Variants in MALRD1 observed in about 807,000 individuals in gnomAD.
MALRD1 encodes the protein MAM and LDL-receptor class A domain-containing protein 1.
MALRD1 carries 247 observed loss-of-function variants against 242.1 expected under a neutral mutation model. The ratio of observed to expected loss-of-function variants is 1.02; its 90% CI spans 0.92 to 1.13. MALRD1 has a LOEUF of 1.13. Ranked by LOEUF, MALRD1 falls within the 50% of genes most tolerant of loss-of-function variation. The pLI is 0.00. For missense variants in MALRD1, 2,989 were observed against 2,533.1 expected, an observed-to-expected ratio of 1.18 and a Z score of -3.86; for synonymous variants, 995 against 866.6, an observed-to-expected ratio of 1.15 and a Z score of -2.60.
chr10:19,086,110 G>A (rs7897128), intron 2 of MALRD1, among the ~76,000 whole-genome samples: 4 of 151,740 alleles, frequency 2.6e-5, no homozygotes, highest in African/African-American at 7.3e-5. Context: ...TATATTCTTA[G>A]AATAATTGTG....
chr10:19,385,719 C>G (rs1429584189), intron 26 of MALRD1, among the ~76,000 whole-genome samples: 1 of 151,828 alleles, frequency 6.6e-6, no homozygotes, highest in African/African-American at 2.4e-5. Context: ...GGTTTATTCT[C>G]TATATTATTT....
chr10:19,728,552 G>T (rs1835147206), intron 38 of MALRD1: 1 of 151,712 alleles, frequency 6.6e-6, no homozygotes, highest in African/African-American at 2.4e-5. Flanking sequence ...TCAGCTCCTG[G>T]TTGTATGCTC....
intron 21 of MALRD1, among the ~76,000 whole-genome samples, chr10:19,304,003 G>A (rs916802844): frequency 6.6e-6 from 1 of 151,684 alleles, no homozygotes; most frequent in African/African-American, 2.4e-5. Flanking sequence ...ACTTGACTGG[G>A]TTAAGGGATA....
chr10:19,439,934 A>G (rs1319084868), intron 28 of MALRD1, among the ~76,000 whole-genome samples: 1 of 151,974 alleles, frequency 6.6e-6, no homozygotes, highest in African/African-American at 2.4e-5. Flanking sequence ...TGTTTATTAC[A>G]TTTTCCCCTT....
intron 21 of MALRD1, among the ~76,000 whole-genome samples, chr10:19,317,410 A>G (rs1488309150): frequency 6.6e-6 from 1 of 152,004 alleles, no homozygotes; most frequent in Non-Finnish European, 1.5e-5. Flanking sequence ...CTTGGAGAGT[A>G]GGATTTCAAC....
chr10:19,693,226 G>T (rs1430634808), intron 38 of MALRD1, among the ~76,000 whole-genome samples: 2 of 151,744 alleles, frequency 1.3e-5, no homozygotes, highest in Non-Finnish European at 2.9e-5. Flanking sequence ...TCTGGCCAGG[G>T]CAATCAGGCA....
At chr10:19,314,924 A>G (rs1245297303) in intron 21 of MALRD1, among the ~76,000 whole-genome samples, 2 of 150,668 alleles carry the variant, frequency 1.3e-5, no homozygotes, top group Non-Finnish European at 3.0e-5. Flanking sequence ...CATAGAATGC[A>G]AATTAATTCA....
chr10:19,050,359 TTA>T lies in MALRD1; in HGVS notation c.199+1223_199+1224del, dbSNP rs771326030. ...GCCTCGGCCTCCCAAAGTGCTGGGATTACAGGCGTGAGCCACCGCGCCCGGCC... is the reference window on the plus strand; with the variant it reads ...GCCTCGGCCTCCCAAAGTGCTGGGATCAGGCGTGAGCCACCGCGCCCGGCC... On this transcript the variant is annotated intron_variant, in intron 1 of 39. Coordinates refer to ENST00000454679, the MANE Select transcript of MALRD1 (RefSeq NM_001142308.3). Among the ~76,000 whole-genome samples, 6 of 151,324 alleles carry T rather than the reference TTA, an allele frequency of 4.0e-5. No homozygotes were observed. In the East Asian group the frequency reaches 9.7e-4, roughly 25 times the overall value.
chr10:19,149,775 A>G (rs956083113), intron 11 of MALRD1, among the ~76,000 whole-genome samples: 1 of 152,200 alleles, frequency 6.6e-6, no homozygotes, highest in Non-Finnish European at 1.5e-5. Context: ...TAACCATCAC[A>G]AAAATGAAGA....
At chr10:19,476,433 G>A (rs937510490) in intron 29 of MALRD1, among the ~76,000 whole-genome samples, 3 of 152,090 alleles carry the variant, frequency 2.0e-5, no homozygotes, top group African/African-American at 4.8e-5. Flanking sequence ...GGCAAGGGGT[G>A]TGTCCAGCTA....
intron 8 of MALRD1, 33 bp downstream of exon 8, chr10:19,128,420 T>C (rs1415836260): frequency 1.8e-5 from 22 of 1,223,152 alleles, no homozygotes; most frequent in South Asian, 4.1e-5. Context: ...TTCAAATTCA[T>C]TGAATCAATG....
intron 38 of MALRD1, among the ~76,000 whole-genome samples, chr10:19,694,024 T>A (rs533400365): frequency 6.6e-6 from 1 of 152,274 alleles, no homozygotes; most frequent in African/African-American, 2.4e-5. Context: ...GCTAGCCATA[T>A]GTAGAAAGCT....
At chr10:19,540,871 T>A (rs1834937052) in intron 32 of MALRD1, among the ~76,000 whole-genome samples, 1 of 152,166 alleles carries the variant, frequency 6.6e-6, no homozygotes, top group South Asian at 2.1e-4. Context: ...TCCCAGCACT[T>A]TGGGAGGCCA....
intron 38 of MALRD1, among the ~76,000 whole-genome samples, chr10:19,728,166 G>A (rs375887859): frequency 2.4e-4 from 37 of 152,190 alleles, no homozygotes; most frequent in African/African-American, 7.9e-4. Context: ...GAAGTAGGAA[G>A]GATTTGCCAT....
At chr10:19,187,164 A>G (rs547800364) in intron 14 of MALRD1, among the ~76,000 whole-genome samples, 37 of 152,290 alleles carry the variant, frequency 2.4e-4, no homozygotes, top group African/African-American at 8.7e-4. Context: ...GCATGCACAA[A>G]CTAATTTATA....
intron 36 of MALRD1, among the ~76,000 whole-genome samples, chr10:19,661,977 T>A (rs1841461233): frequency 6.6e-6 from 1 of 152,118 alleles, no homozygotes; most frequent in South Asian, 2.1e-4. Context: ...AAACTGAGAT[T>A]CTAAATTCAT....
At chr10:19,309,547 T>C (rs1479516412) in intron 21 of MALRD1, among the ~76,000 whole-genome samples, 1 of 151,406 alleles carries the variant, frequency 6.6e-6, no homozygotes, top group Non-Finnish European at 1.5e-5. Flanking sequence ...CAAAAAAGTA[T>C]TTGCTTAGGT....
intron 32 of MALRD1, among the ~76,000 whole-genome samples, chr10:19,542,666 T>G (rs1253269010): frequency 6.6e-6 from 1 of 152,048 alleles, no homozygotes; most frequent in Non-Finnish European, 1.5e-5. Flanking sequence ...TCTTGAAATG[T>G]GTGAAAGAAT....
chr10:19,175,377 C>T, intron 14 of MALRD1, 49 bp downstream of exon 14: 2 of 1,208,322 alleles, frequency 1.7e-6, no homozygotes, highest in Non-Finnish European at 2.1e-6. Context: ...GAATTAAGCT[C>T]TTCTCAGTAT....
Sources: gnomAD v4.1 joint callset for allele counts (sites outside exome capture counted in the v4.1 genomes callset) on GRCh38, gnomAD v4.1.1 for gene constraint, MANE v1.5 for transcripts, NCBI Gene and HGNC (gene_info 2026-07-23, HGNC 2026-07-21) for gene names.